Variants in KMO observed in about 807,000 individuals in gnomAD.
The protein encoded by KMO is kynurenine 3-hydroxylase.
In KMO, 24 loss-of-function variants were observed where a neutral mutation model predicts 57.8. That is an observed-to-expected ratio of 0.42 (90% CI 0.30 to 0.58). The LOEUF (loss-of-function observed/expected upper bound fraction) is 0.58, where lower values mean the gene tolerates loss of function less well. Among genes scored for constraint, KMO ranks in the 20% least tolerant of loss-of-function variants. The pLI is 0.22. For synonymous variants in KMO, 210 were observed against 193.6 expected, an observed-to-expected ratio of 1.08 and a Z score of -0.70; for missense variants, 483 against 588.2, an observed-to-expected ratio of 0.82 and a Z score of 1.85.
At chr1:241,576,390 T>C (rs1205121641) in intron 10 of KMO, among the ~76,000 whole-genome samples, 1 of 152,118 alleles carries the variant, frequency 6.6e-6, no homozygotes, top group African/African-American at 2.4e-5. Flanking sequence ...TTTCTATACT[T>C]GTGCATATCA....
chr1:241,585,505 C>A (rs1437909527), intron 10 of KMO, among the ~76,000 whole-genome samples: 3 of 151,962 alleles, frequency 2.0e-5, no homozygotes, highest in African/African-American at 4.8e-5. Context: ...CGCTTGTAAT[C>A]CCAGCACTTT....
At chr1:241,562,884 A>T (rs1381132254) in intron 7 of KMO, among the ~76,000 whole-genome samples, 1 of 85,488 alleles carries the variant, frequency 1.2e-5, no homozygotes, top group South Asian at 4.3e-4. Context: ...GGAAGGAAGG[A>T]AGGAAGGAAG....
chr1:241,543,855 G>T (rs936811391), intron 1 of KMO, among the ~76,000 whole-genome samples: 1 of 152,130 alleles, frequency 6.6e-6, no homozygotes, highest in African/African-American at 2.4e-5. Flanking sequence ...ACACGTAAGC[G>T]TTGGAAAGGT....
At chr1:241,570,985 A>G (rs1044009503) in intron 10 of KMO, among the ~76,000 whole-genome samples, 1 of 152,064 alleles carries the variant, frequency 6.6e-6, no homozygotes, top group Admixed American at 6.6e-5. Context: ...TTTTCATTGT[A>G]GAGATCTTTC....
intron 8 of KMO, among the ~76,000 whole-genome samples, chr1:241,565,558 T>TAAAA (rs56260608): frequency 1.6e-5 from 2 of 128,970 alleles, no homozygotes; most frequent in African/African-American, 5.9e-5. Context: ...TTGCCTCTAC[T>TAAAA]AAAAAAAAAA....
At chr1:241,573,980 C>A (rs1021734241) in intron 10 of KMO, among the ~76,000 whole-genome samples, 2 of 152,002 alleles carry the variant, frequency 1.3e-5, no homozygotes, top group African/African-American at 4.8e-5. Context: ...AGGGATCTTT[C>A]ACCTCCTTGG....
intron 1 of KMO, among the ~76,000 whole-genome samples, chr1:241,541,123 T>A (rs1378798148): frequency 6.6e-6 from 1 of 152,018 alleles, no homozygotes; most frequent in Non-Finnish European, 1.5e-5. Context: ...GCATACAGAC[T>A]GGGGAAAGAG....
intron 10 of KMO, among the ~76,000 whole-genome samples, chr1:241,582,226 A>T (rs1662779979): frequency 6.6e-6 from 1 of 152,114 alleles, no homozygotes; most frequent in South Asian, 2.1e-4. Context: ...GAGTTCCATT[A>T]ATATATGCTT....
intron 10 of KMO, among the ~76,000 whole-genome samples, chr1:241,572,103 G>C (rs112529844): frequency 0.033 from 4,952 of 152,026 alleles, 131 homozygotes; most frequent in South Asian, 0.066. Flanking sequence ...TTGACCTTGT[G>C]ATCTGCCCAC....
chr1:241,539,574 T>C (rs972100301), intron 1 of KMO, among the ~76,000 whole-genome samples: 3 of 152,232 alleles, frequency 2.0e-5, no homozygotes, highest in African/African-American at 7.2e-5. Flanking sequence ...GAAATGATAT[T>C]GCCCCAGTCA....
intron 1 of KMO, among the ~76,000 whole-genome samples, chr1:241,535,907 A>C (rs969037200): frequency 2.6e-5 from 4 of 152,156 alleles, no homozygotes; most frequent in African/African-American, 9.7e-5. Context: ...CTTCTATTAA[A>C]ATTTTGTTAT....
At chr1:241,564,292 C>A (rs948673831) in intron 7 of KMO, among the ~76,000 whole-genome samples, 2 of 151,846 alleles carry the variant, frequency 1.3e-5, no homozygotes, top group South Asian at 4.2e-4. Flanking sequence ...TATATAATAC[C>A]CCTGGGAACC....
At position 241,563,267 on chromosome 1, in the gene KMO, A is replaced by T. The variant is rs781710735; in HGVS notation, c.615+935A>T. Among the ~76,000 whole-genome samples the T allele has an allele frequency of 2.6e-5, 4 of 152,320 alleles. No homozygotes were observed. In the East Asian group the frequency reaches 7.7e-4, roughly 29 times the overall value. ...AAGCAAATAAGTGTAGGAACTTGTT[A>T]AGAAAAAATTGCTAACAGAAACAAT... is the stretch of plus-strand genomic sequence containing the variant. On this transcript the variant is annotated intron_variant, in intron 7 of 14. Transcript: ENST00000366559.
At chr1:241,573,342 C>A (rs1662376061) in intron 10 of KMO, among the ~76,000 whole-genome samples, 1 of 152,082 alleles carries the variant, frequency 6.6e-6, no homozygotes, top group South Asian at 2.1e-4. Context: ...GCCATGAATT[C>A]TTTGCCTAGG....
intron 10 of KMO, among the ~76,000 whole-genome samples, chr1:241,576,596 C>T (rs1337139361): frequency 6.6e-6 from 1 of 152,142 alleles, no homozygotes; most frequent in Non-Finnish European, 1.5e-5. Flanking sequence ...CCAGTCCTTG[C>T]TGACTTGTAA....
intron 5 of KMO, among the ~76,000 whole-genome samples, chr1:241,556,953 T>C (rs1230699884): frequency 2.0e-5 from 3 of 152,016 alleles, no homozygotes; most frequent in Admixed American, 2.0e-4. Context: ...AAAGCCATAG[T>C]GTGAAGACTG....
At chr1:241,562,514 C>T (rs935208810) in intron 7 of KMO, among the ~76,000 whole-genome samples, 182 bp downstream of exon 7, 4 of 152,172 alleles carry the variant, frequency 2.6e-5, no homozygotes, top group African/African-American at 9.7e-5. Context: ...ATTCTCAGTC[C>T]TTCCTTGTTT....
chr1:241,538,320 C>A (rs1218983946), intron 1 of KMO, among the ~76,000 whole-genome samples: 1 of 152,134 alleles, frequency 6.6e-6, no homozygotes, highest in Non-Finnish European at 1.5e-5. Flanking sequence ...ATCCTTACTC[C>A]ATAGTAATAA....
At chr1:241,542,676 T>A (rs989695132) in intron 1 of KMO, among the ~76,000 whole-genome samples, 13 of 152,242 alleles carry the variant, frequency 8.5e-5, no homozygotes, top group African/African-American at 2.2e-4. Context: ...CCCAGCTGTC[T>A]AACCCTGCCC....
Sources: allele counts gnomAD v4.1 joint callset (sites outside exome capture counted in the v4.1 genomes callset), GRCh38; gene constraint gnomAD v4.1.1; transcripts MANE v1.5; gene names NCBI Gene and HGNC (gene_info 2026-07-23, HGNC 2026-07-21).